Variants in CCSER1 observed in about 807,000 individuals in gnomAD.
CCSER1 encodes the protein coiled-coil serine rich protein 1, also known as serine-rich coiled-coil domain-containing protein 1.
In CCSER1, 41 loss-of-function variants were observed where a neutral mutation model predicts 82.0. The observed-to-expected ratio is 0.50, with a 90% CI of 0.39 to 0.65. The LOEUF (loss-of-function observed/expected upper bound fraction) is 0.65. Among genes scored for constraint, CCSER1 ranks in the 30% least tolerant of loss-of-function variants. The pLI is 0.00. For synonymous variants in CCSER1, 414 were observed against 383.9 expected, an observed-to-expected ratio of 1.08 and a Z score of -0.92; for missense variants, 1,119 against 1,064.2, an observed-to-expected ratio of 1.05 and a Z score of -0.72.
In CCSER1 at chr4:90,172,883, G is replaced by T. The variant is rs1338937712; in HGVS notation, c.-42+45052G>T. Among the ~76,000 whole-genome samples the T allele has an allele frequency of 2.6e-5, 4 of 151,840 alleles. No homozygotes were observed. The South Asian group carries it at 6.2e-4, about 24-fold the overall frequency. On this transcript the variant is annotated intron_variant, in intron 1 of 10. Transcript: ENST00000509176. ...GGTTGGTGTGCAGTAGGACTGGAGAGTAGGATTGTAAAATCTGCAATAATT... is the reference window on the plus strand; with the variant it reads ...GGTTGGTGTGCAGTAGGACTGGAGATTAGGATTGTAAAATCTGCAATAATT...
chr4:90,531,850 G>A (rs1017413950), intron 5 of CCSER1, among the ~76,000 whole-genome samples: 3 of 152,092 alleles, frequency 2.0e-5, no homozygotes, highest in South Asian at 2.1e-4. Context: ...TGCTCAAATG[G>A]CACCAAATAA....
chr4:91,141,115 A>G (rs1273761057), intron 10 of CCSER1, among the ~76,000 whole-genome samples: 1 of 150,918 alleles, frequency 6.6e-6, no homozygotes, highest in African/African-American at 2.4e-5. Flanking sequence ...AATGGCCTCC[A>G]GCTCCATCCA....
rs975103654 is a variant in CCSER1, at chr4:90,370,347, G to A, written c.1510-29689G>A. The A allele has an allele frequency of 5.3e-5, 8 of 151,982 alleles. 1 individual carries two copies. The highest frequency in any genetic ancestry group is 1.9e-4 in the African/African-American group (8 of 41,428). The allele number at this position is 151,982 out of a possible 1,614,324, so 9.4% of individuals were successfully genotyped here. A position where few individuals can be genotyped will look rare whatever the true frequency, so the allele number is the denominator to read the frequency against. ...GTAGCTTTCTAGAACTTCTAAGTATGCTATGGAGTCCATAAAAAGTATGCT... is the reference window on the plus strand; with the variant it reads ...GTAGCTTTCTAGAACTTCTAAGTATACTATGGAGTCCATAAAAAGTATGCT... On this transcript the variant is annotated intron_variant, in intron 3 of 10. Transcript: ENST00000509176.
intron 9 of CCSER1, among the ~76,000 whole-genome samples, chr4:90,941,953 G>A (rs572567714): frequency 1.5e-4 from 23 of 148,650 alleles, no homozygotes; most frequent in Non-Finnish European, 2.7e-4. Flanking sequence ...TGTTTGTTTT[G>A]TTTTGTTTTT....
intron 5 of CCSER1, among the ~76,000 whole-genome samples, chr4:90,470,073 A>T (rs1029786958): frequency 1.3e-5 from 2 of 152,266 alleles, no homozygotes; most frequent in African/African-American, 4.8e-5. Flanking sequence ...ACAAATTAAT[A>T]ATCTCCTCTA....
chr4:90,268,734 A>G (rs72879707), intron 1 of CCSER1, among the ~76,000 whole-genome samples: 5,692 of 152,178 alleles, frequency 0.037, 333 homozygotes, highest in African/African-American at 0.12. Context: ...GATTACATGC[A>G]CCAATCAAAA....
intron 10 of CCSER1, among the ~76,000 whole-genome samples, chr4:91,517,786 T>TG (rs1560732342): frequency 0.075 from 6,798 of 90,582 alleles, 235 homozygotes; most frequent in East Asian, 0.15. Context: ...GTGTGTGTGT[T>TG]TAACTTTGAT....
chr4:90,335,148 T>G (rs1266467445), intron 3 of CCSER1, among the ~76,000 whole-genome samples: 1 of 152,168 alleles, frequency 6.6e-6, no homozygotes, highest in Non-Finnish European at 1.5e-5. Flanking sequence ...TAAAAGACAC[T>G]GGACATGAAG....
intron 8 of CCSER1, among the ~76,000 whole-genome samples, chr4:90,892,168 G>A (rs897498197): frequency 6.6e-6 from 1 of 152,074 alleles, no homozygotes; most frequent in African/African-American, 2.4e-5. Context: ...AAAATCTGAA[G>A]TTGAGAATTG....
At chr4:91,469,476 C>T (rs1757142118) in intron 10 of CCSER1, among the ~76,000 whole-genome samples, 1 of 152,152 alleles carries the variant, frequency 6.6e-6, no homozygotes, top group South Asian at 2.1e-4. Context: ...ACTCTGTTTC[C>T]TCTCTTGGGG....
chr4:90,901,003 C>A (rs1724559248), intron 8 of CCSER1, among the ~76,000 whole-genome samples: 1 of 151,790 alleles, frequency 6.6e-6, no homozygotes, highest in Non-Finnish European at 1.5e-5. Flanking sequence ...ATAGTTAAAT[C>A]TTCTTAAATT....
intron 3 of CCSER1, among the ~76,000 whole-genome samples, chr4:90,371,831 C>CT (rs1345259161): frequency 6.6e-6 from 1 of 152,138 alleles, no homozygotes; most frequent in Non-Finnish European, 1.5e-5. Context: ...CCTTAGGAGA[C>CT]TGCCTGTGTC....
At chr4:91,510,770 G>T (rs1759775023) in intron 10 of CCSER1, among the ~76,000 whole-genome samples, 1 of 152,042 alleles carries the variant, frequency 6.6e-6, no homozygotes, top group African/African-American at 2.4e-5. Context: ...CCATTCTATA[G>T]GTTGTATACT....
At chr4:90,499,574 T>G (rs1769540953) in intron 5 of CCSER1, among the ~76,000 whole-genome samples, 1 of 152,176 alleles carries the variant, frequency 6.6e-6, no homozygotes, top group African/African-American at 2.4e-5. Flanking sequence ...ATGGTTTTGT[T>G]TTTATTTTTT....
intron 5 of CCSER1, among the ~76,000 whole-genome samples, chr4:90,545,556 C>T (rs555292668): frequency 6.6e-6 from 1 of 152,150 alleles, no homozygotes; most frequent in East Asian, 1.9e-4. Context: ...CTTTCTAATC[C>T]TCCTGCCTTC....
chr4:91,163,089 A>G (rs1215095817), intron 10 of CCSER1, among the ~76,000 whole-genome samples: 1 of 152,150 alleles, frequency 6.6e-6, no homozygotes, highest in African/African-American at 2.4e-5. Context: ...ATTTCCCTTT[A>G]CACACAGTTT....
Position 91,169,877 on chromosome 4 carries a change from A to G in CCSER1, c.2217+83883A>G, listed in dbSNP as rs74790294. On this transcript the variant is annotated intron_variant, in intron 10 of 10. Coordinates refer to ENST00000509176, the MANE Select transcript of CCSER1 (RefSeq NM_001145065.2). ...TTCTTGCATGATAGAATTCAATTGT[A>G]TTGATAAAGTCAATATGCTCAATGA... Among the ~76,000 whole-genome samples the G allele has an allele frequency of 5.1e-3, 774 of 152,296 alleles. 4 individuals carry two copies. Among genetic ancestry groups the G allele is most frequent in the African/African-American group, 0.018 (732 of 41,560 alleles).
chr4:90,316,731 C>T (rs550084535), intron 3 of CCSER1, among the ~76,000 whole-genome samples: 6 of 152,062 alleles, frequency 3.9e-5, no homozygotes, highest in Admixed American at 2.0e-4. Context: ...CCTGAAAGAC[C>T]GAAGATATTA....
intron 10 of CCSER1, among the ~76,000 whole-genome samples, chr4:91,115,026 AAAG>A (rs1726426174): frequency 6.6e-6 from 1 of 152,218 alleles, no homozygotes; most frequent in African/African-American, 2.4e-5. Context: ...TAGCAAAATA[AAAG>A]AATAATATAT....
Sources: gnomAD v4.1 joint callset for allele counts (sites outside exome capture counted in the v4.1 genomes callset) on GRCh38, gnomAD v4.1.1 for gene constraint, MANE v1.5 for transcripts, NCBI Gene and HGNC (gene_info 2026-07-23, HGNC 2026-07-21) for gene names.